Variants in UTRN observed in about 807,000 individuals in gnomAD.
The protein encoded by UTRN is dystrophin-related protein 1.
A neutral mutation model predicts 463.9 loss-of-function variants in UTRN; 283 were observed. The ratio of observed to expected loss-of-function variants is 0.61; its 90% CI spans 0.55 to 0.67. The LOEUF is 0.67. Ranked by LOEUF, UTRN falls within the 30% of genes least tolerant of loss-of-function variation. The pLI is 0.00. For synonymous variants in UTRN, 1,442 were observed against 1,431.5 expected, an observed-to-expected ratio of 1.01 and a Z score of -0.17; for missense variants, 3,922 against 4,084.3, an observed-to-expected ratio of 0.96 and a Z score of 1.08.
At chr6:144,415,185 A>C (rs1784263084) in intron 3 of UTRN, among the ~76,000 whole-genome samples, 2 of 152,044 alleles carry the variant, frequency 1.3e-5, no homozygotes, top group South Asian at 4.2e-4. Flanking sequence ...AGGCTATTCC[A>C]TCTCGGTTTG....
At chr6:144,752,032 C>T in intron 56 of UTRN, 80 bp downstream of exon 56, 1 of 1,321,056 alleles carries the variant, frequency 7.6e-7, no homozygotes, top group Non-Finnish European at 1.0e-6. Flanking sequence ...TTACCACTCA[C>T]CGTTTTCTCT....
intron 2 of UTRN, among the ~76,000 whole-genome samples, chr6:144,387,782 G>T (rs1281981905): frequency 2.6e-5 from 4 of 152,118 alleles, no homozygotes; most frequent in African/African-American, 9.7e-5. Context: ...TTTGGGATTT[G>T]GGAGCTTTTT....
In UTRN at chr6:144,700,283, C is replaced by G; in HGVS notation, c.7809+40C>G. On this transcript the variant is annotated intron_variant, in intron 53 of 74. Coordinates refer to ENST00000367545, the MANE Select transcript of UTRN (RefSeq NM_007124.3). ...TATAGTGAGTCGCTTAATTCAAATT[C>G]TAGTGAGGTAGATATTTGAAATACA... 1.9e-6 allele frequency: 3 copies of G among 1,548,362 alleles called. No homozygotes were observed. The South Asian group carries it at 3.7e-5, about 19-fold the overall frequency.
intron 54 of UTRN, among the ~76,000 whole-genome samples, chr6:144,739,687 A>G (rs1312866290): frequency 6.6e-6 from 1 of 152,140 alleles, no homozygotes; most frequent in Non-Finnish European, 1.5e-5. Flanking sequence ...GCTTTTCTCC[A>G]TGTCTTCTTC....
intron 51 of UTRN, among the ~76,000 whole-genome samples, chr6:144,622,268 C>T (rs755637624): frequency 2.0e-5 from 3 of 147,416 alleles, no homozygotes; most frequent in South Asian, 2.2e-4. Context: ...CTGCCACCTC[C>T]GCCTCCCAGG....
At chr6:144,308,415 G>A (rs912483067) in intron 2 of UTRN, among the ~76,000 whole-genome samples, 4 of 152,144 alleles carry the variant, frequency 2.6e-5, no homozygotes, top group South Asian at 4.2e-4. Context: ...TCCCACCCTC[G>A]GGTAGCTGGG....
intron 2 of UTRN, among the ~76,000 whole-genome samples, chr6:144,388,415 C>T (rs1163228025): frequency 1.3e-5 from 2 of 152,086 alleles, no homozygotes; most frequent in African/African-American, 4.8e-5. Flanking sequence ...TGGGTTCAAG[C>T]GATTGTCCCA....
chr6:144,483,045 C>T (rs1354841719), intron 27 of UTRN, among the ~76,000 whole-genome samples: 2 of 152,130 alleles, frequency 1.3e-5, no homozygotes, highest in African/African-American at 2.4e-5. Context: ...TTTCAATTTA[C>T]AACAATTTAA....
chr6:144,768,858 G>A (rs1793644489), intron 58 of UTRN, among the ~76,000 whole-genome samples: 1 of 151,890 alleles, frequency 6.6e-6, no homozygotes, highest in Non-Finnish European at 1.5e-5. Flanking sequence ...AAACTGGATG[G>A]CTGGCCAGCC....
intron 51 of UTRN, among the ~76,000 whole-genome samples, chr6:144,623,079 G>T (rs980634511): frequency 2.0e-5 from 3 of 152,146 alleles, no homozygotes; most frequent in Non-Finnish European, 2.9e-5. Context: ...TTTCCCACTG[G>T]TGTTACTTTA....
chr6:144,571,279 ACAC>A (rs536913658), intron 50 of UTRN, among the ~76,000 whole-genome samples: 257 of 152,258 alleles, frequency 1.7e-3, no homozygotes, highest in African/African-American at 5.8e-3. Flanking sequence ...GAAGGATAAA[ACAC>A]CACCAACAAC....
chr6:144,801,234 A>T (rs1361714366), intron 64 of UTRN, among the ~76,000 whole-genome samples: 1 of 152,102 alleles, frequency 6.6e-6, no homozygotes, highest in East Asian at 1.9e-4. Flanking sequence ...TCCAGACTTG[A>T]TACCTGGTTT....
intron 54 of UTRN, among the ~76,000 whole-genome samples, chr6:144,737,001 C>T (rs1789490867): frequency 6.6e-6 from 1 of 152,206 alleles, no homozygotes; most frequent in South Asian, 2.1e-4. Context: ...GCTTTCCCTT[C>T]CCGAGCTCTC....
Position 144,428,784 on chromosome 6 carries a change from T to A in UTRN, c.585T>A (p.Asp195Glu), listed in dbSNP as rs536247986. Residue 195 changes from aspartate (D) to glutamate (E), a missense_variant, in exon 8 of 75, where the codon GAT becomes GAA. Physicochemically the swap from Asp to Glu is conservative, Grantham distance 45. Coordinates refer to ENST00000367545, the MANE Select transcript of UTRN (RefSeq NM_007124.3). ...TTATTTGCATGGTTTTCAGACCTGA[T>A]CTCTTCAGCTGGGATAAAGTTGTCA... ...FNAVLHRHKP[D>E]LFSWDKVVKM... 1.2e-5 allele frequency: 19 copies of A among 1,595,486 alleles called. No homozygotes were observed. In the African/African-American group the frequency reaches 2.6e-4, roughly 21 times the overall value.
chr6:144,378,893 G>T (rs1378694122), intron 2 of UTRN, among the ~76,000 whole-genome samples: 1 of 152,204 alleles, frequency 6.6e-6, no homozygotes, highest in Non-Finnish European at 1.5e-5. Context: ...GACTCAAGCT[G>T]TATTTAGGAA....
intron 2 of UTRN, among the ~76,000 whole-genome samples, chr6:144,337,178 GACAC>G (rs531924321): frequency 0.041 from 5,146 of 124,012 alleles, 131 homozygotes; most frequent in Non-Finnish European, 0.05. Context: ...CACACACACA[GACAC>G]ACACACACAC....
intron 51 of UTRN, among the ~76,000 whole-genome samples, chr6:144,605,058 A>G (rs1804694393): frequency 6.6e-6 from 1 of 152,196 alleles, no homozygotes; most frequent in African/African-American, 2.4e-5. Flanking sequence ...CTCTGTTGCT[A>G]TTGAGTAAAA....
intron 44 of UTRN, among the ~76,000 whole-genome samples, chr6:144,538,697 A>C (rs1797751438): frequency 6.6e-6 from 1 of 151,382 alleles, no homozygotes; most frequent in South Asian, 2.1e-4. Flanking sequence ...AGAAATTATG[A>C]GTGTGTATTC....
Position 144,285,348 on chromosome 6 carries a change from G to T in UTRN, c.-566G>T, listed in dbSNP as rs1803579022. Among the ~76,000 whole-genome samples the T allele has an allele frequency of 6.6e-6, 1 of 152,256 alleles. No individual in the cohort carries two copies. Among genetic ancestry groups the T allele is most frequent in the South Asian group, 2.1e-4 (1 of 4,838 alleles). On this transcript the variant is annotated 5_prime_UTR_variant, in exon 1 of 75. Transcript: ENST00000367545. Reference sequence around the variant, plus strand: ...AGTTGTGGAGTCGTTTTTCCTCGGAGCAGGGAAGCGGGCAGCAGCAGCCGG... The same window carrying T: ...AGTTGTGGAGTCGTTTTTCCTCGGATCAGGGAAGCGGGCAGCAGCAGCCGG...
Sources: allele counts gnomAD v4.1 joint callset (sites outside exome capture counted in the v4.1 genomes callset), GRCh38; gene constraint gnomAD v4.1.1; transcripts MANE v1.5; gene names NCBI Gene and HGNC (gene_info 2026-07-23, HGNC 2026-07-21).